MID1: variants seen among roughly 807,000 people sequenced by gnomAD.
MID1 encodes midline 1, also known as E3 ubiquitin-protein ligase Midline-1.
A neutral mutation model predicts 40.4 loss-of-function variants in MID1; 7 were observed. The ratio of observed to expected loss-of-function variants is 0.17; its 90% CI spans 0.10 to 0.33. The LOEUF (loss-of-function observed/expected upper bound fraction) is 0.33, where lower values mean the gene tolerates loss of function less well. MID1 is among the 10% of genes least tolerant of loss of function. The probability of loss-of-function intolerance (pLI) is 1.00; values close to 1 mark genes in which losing one functional copy is unlikely to be tolerated. For missense variants in MID1, 367 were observed against 558.5 expected (o/e 0.66, Z 3.46); for synonymous variants, 229 against 221.2 (o/e 1.04, Z -0.31).
intron 1 of MID1, among the ~76,000 whole-genome samples, chrX:10,616,101 G>C (rs1416935471): frequency 1.8e-5 from 2 of 111,743 alleles, no homozygotes; most frequent in Non-Finnish European, 3.8e-5. Context: ...CTGATCTTCC[G>C]ACCACGGGAA....
At chrX:10,534,091 C>T (rs768266129) in intron 2 of MID1, among the ~76,000 whole-genome samples, 2 of 110,410 alleles carry the variant, frequency 1.8e-5, no homozygotes, top group African/African-American at 6.6e-5. Context: ...CTATAAAATC[C>T]CCTGATACTG....
At chrX:10,624,652 C>T (rs1373448633), upstream of MID1, among the ~76,000 whole-genome samples, 4 of 111,634 alleles carry the variant, frequency 3.6e-5, no homozygotes, top group Non-Finnish European at 7.5e-5. Context: ...ACTCTGCTGC[C>T]TAGGCTGGAG....
intron 1 of MID1, among the ~76,000 whole-genome samples, chrX:10,707,080 T>C (rs1407201095): frequency 8.9e-6 from 1 of 111,956 alleles, no homozygotes; most frequent in Non-Finnish European, 1.9e-5. Context: ...TTCAGGTTGA[T>C]GATGTTGTTA....
chrX:10,531,600 T>A (rs1298036818), intron 2 of MID1, among the ~76,000 whole-genome samples: 1 of 112,658 alleles, frequency 8.9e-6, no homozygotes, highest in Non-Finnish European at 1.9e-5. Flanking sequence ...CTGTTCCATA[T>A]ATTTATAAAT....
intron 7 of MID1, among the ~76,000 whole-genome samples, chrX:10,464,154 T>C (rs962527220): frequency 1.8e-5 from 2 of 112,185 alleles, no homozygotes; most frequent in Non-Finnish European, 3.8e-5. Flanking sequence ...TTTGCATTTC[T>C]TTTCTTATGG....
chrX:10,632,610 C>T (rs1936064808), intron 1 of MID1, among the ~76,000 whole-genome samples: 1 of 110,209 alleles, frequency 9.1e-6, no homozygotes, highest in Admixed American at 9.6e-5. Context: ...GGGCCCCACC[C>T]CAGAGTTTCT....
intron 1 of MID1, among the ~76,000 whole-genome samples, chrX:10,731,966 C>CAAAAAAAAAAAA (rs754605735): frequency 4.1e-4 from 11 of 26,648 alleles, no homozygotes; most frequent in African/African-American, 1.1e-3. Flanking sequence ...GAATCTATCA[C>CAAAAAAAAAAAA]AAAAAAAAAA....
chrX:10,546,430 T>C (rs1239492488), intron 2 of MID1, among the ~76,000 whole-genome samples: 1 of 112,244 alleles, frequency 8.9e-6, no homozygotes, highest in African/African-American at 3.2e-5. Context: ...AATGACCACA[T>C]GATAGATTTA....
chrX:10,582,008 G>A (rs1413060456), intron 1 of MID1, among the ~76,000 whole-genome samples: 2 of 111,889 alleles, frequency 1.8e-5, no homozygotes, highest in South Asian at 3.8e-4. Context: ...TGCCAGTTTC[G>A]TTTCATGAAT....
At chrX:10,703,677 T>C (rs2043207232) in intron 1 of MID1, among the ~76,000 whole-genome samples, 1 of 111,814 alleles carries the variant, frequency 8.9e-6, no homozygotes, top group Non-Finnish European at 1.9e-5. Flanking sequence ...AAAAAAAGTT[T>C]ATTATATCTA....
Position 10,723,574 on chromosome X carries a change from C to A in MID1, c.-186-103155G>T, listed in dbSNP as rs747403732. 1.9e-3 allele frequency among the ~76,000 whole-genome samples: 212 copies of A among 113,184 alleles called. 2 individuals are homozygous for A. Among genetic ancestry groups the A allele is most frequent in the Non-Finnish European group, 2.3e-3 (123 of 53,398 alleles). On this transcript the variant is annotated intron_variant, in intron 1 of 10. Transcript: ENST00000380785. ...AAGGTGTAGTTTCTTATTTTTGAGACGGAGTCTCGCTCTGCCGCCCAGGCT... is the reference window on the plus strand; with the variant it reads ...AAGGTGTAGTTTCTTATTTTTGAGAAGGAGTCTCGCTCTGCCGCCCAGGCT...
At chrX:10,568,767 T>A (rs755831003) in intron 1 of MID1, among the ~76,000 whole-genome samples, 24 of 111,649 alleles carry the variant, frequency 2.1e-4, no homozygotes, top group Admixed American at 1.8e-3. Context: ...AAAAGAGTAG[T>A]AGAAAGAATT....
intron 1 of MID1, among the ~76,000 whole-genome samples, chrX:10,809,714 C>G (rs1005714498): frequency 2.0e-5 from 2 of 97,941 alleles, no homozygotes; most frequent in African/African-American, 7.8e-5. Context: ...TAGGTGGGAA[C>G]TGAACAATGA....
At chrX:10,728,882 G>A (rs138036478) in intron 1 of MID1, among the ~76,000 whole-genome samples, 133 of 111,771 alleles carry the variant, frequency 1.2e-3, no homozygotes, top group Admixed American at 3.6e-3. Context: ...GGAAGCCCCC[G>A]CCTTCTCCCT....
chrX:10,701,822 T>A (rs1187489392), intron 1 of MID1, among the ~76,000 whole-genome samples: 4 of 112,333 alleles, frequency 3.6e-5, no homozygotes, highest in African/African-American at 1.3e-4. Context: ...AAGTTACCTA[T>A]TCTCATAAAG....
chrX:10,617,763 A>G (rs965869447), intron 1 of MID1, among the ~76,000 whole-genome samples: 5 of 112,306 alleles, frequency 4.5e-5, no homozygotes, highest in African/African-American at 1.6e-4. Flanking sequence ...ACAGGTGGCC[A>G]TGCTTTTCCT....
chrX:10,655,537 T>C (rs1178349432), intron 1 of MID1, among the ~76,000 whole-genome samples: 2 of 110,980 alleles, frequency 1.8e-5, no homozygotes, highest in African/African-American at 6.6e-5. Flanking sequence ...CATTCTACCA[T>C]TGTATTCCTG....
At chrX:10,469,196 T>C in intron 7 of MID1, 1 of 264,966 alleles carries the variant, frequency 3.8e-6, no homozygotes, top group Non-Finnish European at 5.4e-6. Context: ...CTCAGCCTCC[T>C]GAGTAGTTGG....
intron 1 of MID1, among the ~76,000 whole-genome samples, chrX:10,578,429 A>G (rs1934927414): frequency 8.9e-6 from 1 of 112,136 alleles, no homozygotes; most frequent in African/African-American, 3.2e-5. Flanking sequence ...TTGAAACATC[A>G]GGAAAGAAAT....
Sources: allele counts gnomAD v4.1 joint callset (sites outside exome capture counted in the v4.1 genomes callset), GRCh38; gene constraint gnomAD v4.1.1; transcripts MANE v1.5; gene names NCBI Gene and HGNC (gene_info 2026-07-23, HGNC 2026-07-21).